GLIS3: variants seen among roughly 807,000 people sequenced by gnomAD.
The protein encoded by GLIS3 is zinc finger protein GLIS3.
Under a neutral mutation model 78.6 loss-of-function variants are expected in GLIS3, and 53 were observed. The ratio of observed to expected loss-of-function variants is 0.67; its 90% CI spans 0.54 to 0.85. The LOEUF (loss-of-function observed/expected upper bound fraction) is 0.85, where lower values mean the gene tolerates loss of function less well. Ranked by LOEUF, GLIS3 falls within the 40% of genes least tolerant of loss-of-function variation. The pLI is 0.00. For synonymous variants in GLIS3, 684 were observed against 509.9 expected (o/e 1.34, Z -4.60); for missense variants, 1,703 against 1,231.1 (o/e 1.38, Z -5.74).
intron 4 of GLIS3, among the ~76,000 whole-genome samples, chr9:4,100,332 G>T (rs1031162609): frequency 1.3e-5 from 2 of 152,092 alleles, no homozygotes; most frequent in Admixed American, 1.3e-4. Flanking sequence ...TAGTCCCAAG[G>T]AAAGAAGATA....
chr9:4,169,898 T>C (rs999470848), intron 2 of GLIS3, among the ~76,000 whole-genome samples: 2 of 152,200 alleles, frequency 1.3e-5, no homozygotes, highest in African/African-American at 2.4e-5. Context: ...AGGATAGGAA[T>C]ATAATTAGCA....
At chr9:4,330,276 C>T (rs571263800) in intron 2 of GLIS3, among the ~76,000 whole-genome samples, 1 of 152,340 alleles carries the variant, frequency 6.6e-6, no homozygotes, top group African/African-American at 2.4e-5. Flanking sequence ...GGTGCACATT[C>T]AAATCACCTG....
chr9:4,431,948 C>T, the GLIS3 span, among the ~76,000 whole-genome samples: 1 of 151,952 alleles, frequency 6.6e-6, no homozygotes, highest in Non-Finnish European at 1.5e-5. Context: ...ACAAAAGTAG[C>T]CATAGGCAAT....
the GLIS3 span, among the ~76,000 whole-genome samples, chr9:4,389,684 A>G: frequency 2.6e-5 from 4 of 152,348 alleles, no homozygotes; most frequent in Admixed American, 1.3e-4. Flanking sequence ...CCAGAAAGCC[A>G]TATTACAAAA....
chr9:4,155,919 A>G (rs1158237973), intron 2 of GLIS3, among the ~76,000 whole-genome samples: 2 of 152,192 alleles, frequency 1.3e-5, no homozygotes, highest in Non-Finnish European at 2.9e-5. Flanking sequence ...GGAACACCTA[A>G]GCATCTTCCC....
chr9:4,468,004 G>C, the GLIS3 span, among the ~76,000 whole-genome samples: 58 of 152,316 alleles, frequency 3.8e-4, no homozygotes, highest in African/African-American at 1.4e-3. Flanking sequence ...ACAAGGTTCA[G>C]TAGTCGATTC....
intron 4 of GLIS3, among the ~76,000 whole-genome samples, chr9:4,046,756 T>G (rs1431995207): frequency 2.0e-5 from 3 of 152,198 alleles, no homozygotes. Flanking sequence ...TTGTATTATA[T>G]GAAGAATGGC....
intron 4 of GLIS3, among the ~76,000 whole-genome samples, chr9:3,958,813 C>T (rs910143051): frequency 6.6e-6 from 1 of 152,316 alleles, no homozygotes; most frequent in South Asian, 2.1e-4. Flanking sequence ...AGGAGTTCAA[C>T]GTGCAGAGTG....
intron 2 of GLIS3, among the ~76,000 whole-genome samples, chr9:4,192,809 A>AT (rs1818446897): frequency 6.5e-5 from 1 of 15,382 alleles, no homozygotes; most frequent in African/African-American, 1.1e-4. Context: ...TACAATATTT[A>AT]AAAAAAAAAA....
At chr9:4,098,250 T>TA (rs1349220109) in intron 4 of GLIS3, among the ~76,000 whole-genome samples, 1 of 152,208 alleles carries the variant, frequency 6.6e-6, no homozygotes, top group East Asian at 1.9e-4. Context: ...TGACTGCCTT[T>TA]AAAAAAAATC....
chr9:4,040,828 T>C (rs1824747805), intron 4 of GLIS3, among the ~76,000 whole-genome samples: 2 of 152,280 alleles, frequency 1.3e-5, no homozygotes, highest in South Asian at 4.1e-4. Context: ...TCATTGTTCT[T>C]TAGGTAAGAG....
chr9:4,075,102 A>C (rs367747273), intron 4 of GLIS3, among the ~76,000 whole-genome samples: 1 of 119,554 alleles, frequency 8.4e-6, no homozygotes, highest in African/African-American at 5.5e-5. Flanking sequence ...ACAACAACAC[A>C]ACAACAACAA....
chr9:4,193,376 G>C (rs560396072), intron 2 of GLIS3, among the ~76,000 whole-genome samples: 2 of 152,348 alleles, frequency 1.3e-5, no homozygotes, highest in East Asian at 3.9e-4. Context: ...CAGAAAGGCA[G>C]AGTTGGGTAG....
At chr9:4,056,373 A>G (rs1345017461) in intron 4 of GLIS3, among the ~76,000 whole-genome samples, 3 of 152,220 alleles carry the variant, frequency 2.0e-5, no homozygotes, top group Admixed American at 6.5e-5. Flanking sequence ...TTAAGCTACT[A>G]GTTTTAACAG....
chr9:4,249,549 T>C (rs888537876), intron 2 of GLIS3, among the ~76,000 whole-genome samples: 11 of 152,200 alleles, frequency 7.2e-5, no homozygotes, highest in Non-Finnish European at 1.6e-4. Context: ...AAATATACAA[T>C]CATGTCATCT....
the GLIS3 span, among the ~76,000 whole-genome samples, chr9:4,479,535 G>C: frequency 1.3e-5 from 2 of 152,164 alleles, no homozygotes; most frequent in South Asian, 4.1e-4. Context: ...CCAGTTCACA[G>C]AGGTTCCCTA....
intron 4 of GLIS3, among the ~76,000 whole-genome samples, chr9:4,078,118 T>TTA (rs112456698): frequency 0.031 from 4,653 of 152,244 alleles, 209 homozygotes; most frequent in African/African-American, 0.11. Flanking sequence ...TGAGAATGAA[T>TTA]TATCTCTGGC....
chr9:4,091,139 G>C (rs1378602326), intron 4 of GLIS3, among the ~76,000 whole-genome samples: 1 of 152,142 alleles, frequency 6.6e-6, no homozygotes, highest in Non-Finnish European at 1.5e-5. Context: ...AAGATGGCTT[G>C]AGTCCAGGAG....
intron 1 of GLIS3, among the ~76,000 whole-genome samples, chr9:4,298,195 G>A (rs937278512): frequency 3.3e-5 from 5 of 152,066 alleles, no homozygotes; most frequent in African/African-American, 7.2e-5. Flanking sequence ...CGGCCTGGCC[G>A]GAGCCTGTAG....
Sources: allele counts gnomAD v4.1 joint callset (sites outside exome capture counted in the v4.1 genomes callset), GRCh38; gene constraint gnomAD v4.1.1; transcripts MANE v1.5; gene names NCBI Gene and HGNC (gene_info 2026-07-23, HGNC 2026-07-21).